IRX1: variants seen among roughly 807,000 people sequenced by gnomAD.
IRX1 encodes iroquois-class homeodomain protein IRX-1.
IRX1 carries 22 observed loss-of-function variants against 34.1 expected under a neutral mutation model. That is an observed-to-expected ratio of 0.64 (90% confidence interval 0.46 to 0.92). IRX1 has a LOEUF of 0.92. Among genes scored for constraint, IRX1 ranks in the 40% least tolerant of loss-of-function variants. The probability of loss-of-function intolerance (pLI) is 0.00; values close to 1 mark genes in which losing one functional copy is unlikely to be tolerated. For synonymous variants in IRX1, 363 were observed against 319.0 expected, an observed-to-expected ratio of 1.14 and a Z score of -1.47; for missense variants, 758 against 680.0, an observed-to-expected ratio of 1.11 and a Z score of -1.28.
intron 2 of IRX1, 135 bp from the exon 3 acceptor site, chr5:3,600,474 G>C (rs1010357886): frequency 3.3e-6 from 3 of 910,316 alleles, no homozygotes; most frequent in South Asian, 1.7e-5. Context: ...GCCTGCTACG[G>C]GGTGGTGGTG....
In IRX1 at chr5:3,600,235, G is replaced by T; in HGVS notation, c.1287G>T (p.Ser429=). 3 of 1,601,806 alleles carry T rather than the reference G, an allele frequency of 1.9e-6. No homozygotes were observed. The highest frequency in any genetic ancestry group is 1.1e-5 in the South Asian group (1 of 90,236). The part of the protein sequence containing the change: ...APGALNGDKA[S]VRSSPTLPER... ...GGGCACTCAATGGAGACAAGGCCTC[G>T]GTCCGCAGCAGCCCCACGCTCCCAG... The change falls in exon 2 of 4, where the codon TCG becomes TCT. Residue 429 remains serine, a synonymous_variant. Coordinates refer to ENST00000302006, the MANE Select transcript of IRX1 (RefSeq NM_024337.4).
chr5:3,599,043 G>A lies in IRX1; in HGVS notation c.277-182G>A, dbSNP rs1351116723. On this transcript the variant is annotated intron_variant, in intron 1 of 3. Transcript: ENST00000302006. The surrounding 1 kb of genome is among the most constrained non-coding windows in gnomAD (Gnocchi z 6.6). ...CCCCTTCTCCCCAGCAGTGAACTGG[G>A]GGTGACTTCCTGATCTGCCCAGCAC... 2.6e-5 allele frequency among the ~76,000 whole-genome samples: 4 copies of A among 152,110 alleles called. No homozygotes were observed. The highest frequency in any genetic ancestry group is 5.9e-5 in the Non-Finnish European group (4 of 68,026).
intron 2 of IRX1, 78 bp from the exon 3 acceptor site, chr5:3,600,531 G>C: frequency 7.4e-7 from 1 of 1,343,688 alleles, no homozygotes; most frequent in Non-Finnish European, 1.1e-6. Context: ...GCAGCCGGCA[G>C]AAGTTGGTGG....
chr5:3,600,636 C>T lies in IRX1; in HGVS notation c.1340C>T (p.Ser447Leu). The T allele has an allele frequency of 1.2e-6, 2 of 1,613,764 alleles. No individual in the cohort carries two copies. The highest frequency in any genetic ancestry group is 1.7e-6 in the Non-Finnish European group (2 of 1,179,978). Residue 447 changes from serine to leucine, a missense_variant, in exon 3 of 4, where the codon TCG (serine) becomes TTG (leucine). Ser to Leu is a moderately radical substitution (Grantham distance 145). Around this residue, in one of 3 missense-constraint regions of IRX1, gnomAD observed 529 missense variants for 418.8 expected, o/e 1.26. Transcript: ENST00000302006. ...PERDLVPRPD[S>L]PAQQLKSPFQ... is the part of the protein sequence containing the mutation. ...AGAGACCTCGTCCCCAGGCCAGATTCGCCGGCACAGCAGTTAAAGTCGCCC... is the reference window on the plus strand; with the variant it reads ...AGAGACCTCGTCCCCAGGCCAGATTTGCCGGCACAGCAGTTAAAGTCGCCC...
At chr5:3,600,946 G>T in intron 3 of IRX1, 37 bp from the exon 4 acceptor site, 2 of 1,606,760 alleles carry the variant, frequency 1.2e-6, no homozygotes, top group Non-Finnish European at 1.7e-6. Context: ...CACTCACAGT[G>T]CCCCTGTCTT....
chr5:3,597,366 C>T (rs1733814733), intron 1 of IRX1, among the ~76,000 whole-genome samples: 1 of 152,204 alleles, frequency 6.6e-6, no homozygotes, highest in Non-Finnish European at 1.5e-5. Flanking sequence ...GCAGCCCCCT[C>T]CTGGGTCGCT....
Position 3,599,207 on chromosome 5 carries a change from T to C in IRX1, c.277-18T>C, listed in dbSNP as rs1249506850. On this transcript the variant is annotated intron_variant, in intron 1 of 3. Transcript: ENST00000302006. The surrounding 1 kb of genome is among the most constrained non-coding windows in gnomAD (Gnocchi z 6.6). ...TTCCCTCCTCTCTCTCCTCGATGGA[T>C]CTGCCCTGTGGCTTCAGGGCTCGCA... 6.2e-7 allele frequency: 1 copy of C among 1,605,500 alleles called. No individual in the cohort carries two copies. The highest frequency in any genetic ancestry group is 2.2e-5 in the East Asian group (1 of 44,704).
intron 2 of IRX1, 27 bp from the exon 3 acceptor site, chr5:3,600,582 A>C (rs772683302): frequency 1.5e-5 from 24 of 1,601,340 alleles, no homozygotes; most frequent in Non-Finnish European, 2.1e-5. Context: ...TCTCCGTCCT[A>C]ACTCTGCCTC....
Position 3,596,203 on chromosome 5 carries a change from C to G in IRX1, c.98C>G (p.Ala33Gly). The G allele has an allele frequency of 9.5e-7, 1 of 1,053,802 alleles. No homozygotes were observed. The highest frequency in any genetic ancestry group is 1.1e-6 in the Non-Finnish European group (1 of 876,456). 65.3% of individuals were successfully genotyped at this position (1,053,802 alleles called of 1,614,324 possible). The part of the protein sequence containing the change: ...ERPGVLAAAA[A>G]AAAAASSGRP... ...CCGGGGGTGCTGGCCGCGGCCGCTG[C>G]GGCGGCTGCCGCCGCCTCGTCGGGC... is the stretch of plus-strand genomic sequence containing the variant. Residue 33 changes from alanine to glycine, a missense_variant, in exon 1 of 4, where the codon GCG (alanine) becomes GGG (glycine). By Grantham distance (60) the Ala-to-Gly change is moderately conservative (BLOSUM62 0). Transcript: ENST00000302006.
At position 3,599,736 on chromosome 5, in the gene IRX1, G is replaced by C. The variant is rs774006425; in HGVS notation, c.788G>C (p.Arg263Pro). Reference sequence around the variant, plus strand: ...CCCGCAGCCCCTTCTGCTCTTGCCCGGGACCAAGGCTCGCCGCTGGCAGCA... The same window carrying C: ...CCCGCAGCCCCTTCTGCTCTTGCCCCGGACCAAGGCTCGCCGCTGGCAGCA... The part of the protein sequence containing the change: ...HAPAAPSALA[R>P]DQGSPLAAAD... The change falls in exon 2 of 4, where the codon CGG (arginine) becomes CCG (proline). Residue 263 changes from arginine (R) to proline (P), a missense_variant. Coordinates refer to ENST00000302006, the MANE Select transcript of IRX1 (RefSeq NM_024337.4). The surrounding 1 kb of genome is among the most constrained non-coding windows in gnomAD (Gnocchi z 6.6). 3.1e-6 allele frequency: 5 copies of C among 1,611,758 alleles called. No individual in the cohort carries two copies. In the Admixed American group the frequency reaches 6.7e-5, roughly 22 times the overall value.
chr5:3,600,333 G>GGTGCAGCA lies in IRX1; in HGVS notation c.1312+74_1312+81dup. ...GGCCTGGCTAGGTGTGGTAGCGTGG[G>GGTGCAGCA]GTGCAGCATGAGCCGGGAGGGTACC... On this transcript the variant is annotated intron_variant, in intron 2 of 3. Coordinates refer to ENST00000302006, the MANE Select transcript of IRX1 (RefSeq NM_024337.4). 5.1e-6 allele frequency: 7 copies of GGTGCAGCA among 1,373,488 alleles called. No individual in the cohort carries two copies. The South Asian group carries it at 1.0e-4, about 20-fold the overall frequency. 85.1% of individuals were successfully genotyped at this position (1,373,488 alleles called of 1,614,324 possible). A position where few individuals can be genotyped will look rare whatever the true frequency, so the allele number is the denominator to read the frequency against.
In IRX1 at chr5:3,601,064, C is replaced by A. The variant is rs770077373; in HGVS notation, c.*24C>A. On this transcript the variant is annotated 3_prime_UTR_variant, in exon 4 of 4. Transcript: ENST00000302006. ...GATTAAGGGTCTTCTTTTACTTTTGCGGGGGGGAGGGGGGAGGAGTTGGGG... is the reference window on the plus strand; with the variant it reads ...GATTAAGGGTCTTCTTTTACTTTTGAGGGGGGGAGGGGGGAGGAGTTGGGG... 5 of 984,502 alleles carry A rather than the reference C, an allele frequency of 5.1e-6. No individual in the cohort carries two copies. In the East Asian group the frequency reaches 1.6e-4, roughly 32 times the overall value. The allele number at this position is 984,502 out of a possible 1,614,324, so 61.0% of individuals were successfully genotyped here. A position where few individuals can be genotyped will look rare whatever the true frequency, so the allele number is the denominator to read the frequency against.
In IRX1 at chr5:3,599,532, C is replaced by G; in HGVS notation, c.584C>G (p.Ala195Gly). 1 of 1,614,178 alleles carries G rather than the reference C, an allele frequency of 6.2e-7. No individual in the cohort carries two copies. Among genetic ancestry groups the G allele is most frequent in the Non-Finnish European group, 8.5e-7 (1 of 1,180,030 alleles). Reference protein sequence around the residue: ...LKKENKVTWGARSKDQEDGAL... With the variant: ...LKKENKVTWGGRSKDQEDGAL... Reference sequence around the variant, plus strand: ...AAGGAGAACAAGGTGACATGGGGAGCGCGCAGCAAGGACCAGGAAGATGGA... The same window carrying G: ...AAGGAGAACAAGGTGACATGGGGAGGGCGCAGCAAGGACCAGGAAGATGGA... Residue 195 changes from alanine (A) to glycine (G), a missense_variant, in exon 2 of 4, where the codon GCG becomes GGG. By Grantham distance (60) the Ala-to-Gly change is moderately conservative (BLOSUM62 0). Coordinates refer to ENST00000302006, the MANE Select transcript of IRX1 (RefSeq NM_024337.4). This position sits in a 1 kb window ranked among gnomAD's most constrained non-coding sequence, Gnocchi z 6.6.
chr5:3,600,395 C>A, intron 2 of IRX1, 135 bp downstream of exon 2: 2 of 995,434 alleles, frequency 2.0e-6, no homozygotes, highest in Non-Finnish European at 1.4e-6. Context: ...TGCGCTTAAT[C>A]CCTGCTTCAA....
chr5:3,600,368 C>A, intron 2 of IRX1, 108 bp downstream of exon 2: 1 of 1,127,770 alleles, frequency 8.9e-7, no homozygotes, highest in Non-Finnish European at 1.2e-6. Flanking sequence ...CAGGCAGTGG[C>A]CGCTGAGCCC....
chr5:3,600,994 C>T lies in IRX1; in HGVS notation c.1397C>T (p.Pro466Leu). ...TGTTTCCCATGCAGCTCTCTGGCCC[C>T]GCAGGAGGGAACGCCGCGGATCCTA... is the stretch of plus-strand genomic sequence containing the variant. The part of the protein sequence containing the change: ...FQPVRDNSLA[P>L]QEGTPRILAA... Residue 466 changes from proline to leucine, a missense_variant, in exon 4 of 4, where the codon CCG becomes CTG. Transcript: ENST00000302006. 4 of 1,612,794 alleles carry T rather than the reference C, an allele frequency of 2.5e-6. No homozygotes were observed. The highest frequency in any genetic ancestry group is 3.4e-6 in the Non-Finnish European group (4 of 1,179,706).
Position 3,600,646 on chromosome 5 carries a change from G to A in IRX1, c.1350G>A (p.Gln450=). The A allele has an allele frequency of 6.2e-7, 1 of 1,613,832 alleles. No individual in the cohort carries two copies. Among genetic ancestry groups the A allele is most frequent in the South Asian group, 1.1e-5 (1 of 91,084 alleles). ...TCCCCAGGCCAGATTCGCCGGCACA[G>A]CAGTTAAAGTCGCCCTTCCAGCCGG... The part of the protein sequence containing the change: ...DLVPRPDSPA[Q]QLKSPFQPVR... Residue 450 remains glutamine, a synonymous_variant, in exon 3 of 4, where the codon CAG becomes CAA. Transcript: ENST00000302006.
chr5:3,596,740 G>T (rs779780302), intron 1 of IRX1, among the ~76,000 whole-genome samples: 2 of 152,172 alleles, frequency 1.3e-5, no homozygotes, highest in Non-Finnish European at 2.9e-5. Flanking sequence ...GGCCCACGGG[G>T]TTCCTGCAGG....
At chr5:3,598,898 C>G (rs1267266848) in intron 1 of IRX1, among the ~76,000 whole-genome samples, 1 of 152,144 alleles carries the variant, frequency 6.6e-6, no homozygotes, top group Non-Finnish European at 1.5e-5. Context: ...TTGCAGGGGC[C>G]GCGGCCTCTG....
Sources: gnomAD v4.1 joint callset for allele counts (sites outside exome capture counted in the v4.1 genomes callset) on GRCh38, gnomAD v4.1.1 for gene constraint, gnomAD v4.1.1 regional missense constraint, Gnocchi (gnomAD v3.1) non-coding constraint, MANE v1.5 for transcripts, NCBI Gene and HGNC (gene_info 2026-07-23, HGNC 2026-07-21) for gene names.